The following NECTIN3 variants were observed in gnomAD, a reference collection of about 807,000 sequenced individuals.
NECTIN3 encodes the protein nectin-3.
In NECTIN3, 8 loss-of-function variants were observed where a neutral mutation model predicts 49.4. The observed-to-expected ratio is 0.16, with a 90% CI of 0.10 to 0.29. The LOEUF is 0.29. Among genes scored for constraint, NECTIN3 ranks in the 10% least tolerant of loss-of-function variants. The pLI is 1.00. For synonymous variants in NECTIN3, 277 were observed against 241.1 expected, an observed-to-expected ratio of 1.15 and a Z score of -1.38; for missense variants, 581 against 654.6, an observed-to-expected ratio of 0.89 and a Z score of 1.23.
At chr3:111,167,401 G>A (rs541402714) in intron 7 of NECTIN3, among the ~76,000 whole-genome samples, 40 of 152,206 alleles carry the variant, frequency 2.6e-4, no homozygotes, top group African/African-American at 9.6e-4. Flanking sequence ...TTCTAATATT[G>A]AGAGTTGTAA....
intron 7 of NECTIN3, among the ~76,000 whole-genome samples, chr3:111,177,858 T>C (rs2035559109): frequency 6.6e-6 from 1 of 152,208 alleles, no homozygotes. Flanking sequence ...TAAGAGCATC[T>C]TGGAATTATA....
rs149838175 is a variant in NECTIN3, at chr3:111,144,365, C to T, written c.1001-534C>T. 4.4e-3 allele frequency among the ~76,000 whole-genome samples: 667 copies of T among 151,728 alleles called. 4 individuals carry two copies. Among genetic ancestry groups the T allele is most frequent in the Non-Finnish European group, 5.2e-3 (350 of 67,830 alleles). On this transcript the variant is annotated intron_variant, in intron 5 of 8. Coordinates refer to the NECTIN3 transcript ENST00000493615. ...GAATTAAGGGAAATTTTGTGCAAGT[C>T]CTGTTTTAATATTAATATTTAAAAA...
intron 5 of NECTIN3, among the ~76,000 whole-genome samples, chr3:111,143,689 C>T (rs1364365750): frequency 1.3e-5 from 2 of 151,848 alleles, no homozygotes; most frequent in Non-Finnish European, 2.9e-5. Context: ...AAGATTATGT[C>T]AATTTAAGTA....
chr3:111,160,226 A>G (rs1393798874), intron 7 of NECTIN3, among the ~76,000 whole-genome samples: 1 of 152,172 alleles, frequency 6.6e-6, no homozygotes, highest in Non-Finnish European at 1.5e-5. Flanking sequence ...GTACGTATAT[A>G]TATTTCACAG....
intron 7 of NECTIN3, among the ~76,000 whole-genome samples, chr3:111,153,492 A>G (rs2035038965): frequency 6.6e-6 from 1 of 152,032 alleles, no homozygotes; most frequent in Non-Finnish European, 1.5e-5. Context: ...TGAGAAAAAG[A>G]TAAGCTTGTT....
chr3:111,111,980 G>C (rs751182965), intron 1 of NECTIN3, 50 bp from the exon 2 acceptor site: 1 of 1,314,792 alleles, frequency 7.6e-7, no homozygotes, highest in Non-Finnish European at 1.1e-6. Context: ...GGAGAGTGTT[G>C]ACCACTTTTT....
chr3:111,191,753 A>T (rs2035816771), upstream of NECTIN3, among the ~76,000 whole-genome samples: 1 of 152,142 alleles, frequency 6.6e-6, no homozygotes, highest in African/African-American at 2.4e-5. Context: ...AAGACAGAAG[A>T]CCTTCTGTGG....
intron 1 of NECTIN3, among the ~76,000 whole-genome samples, chr3:111,073,995 G>A (rs1439386982): frequency 6.6e-6 from 1 of 150,960 alleles, no homozygotes; most frequent in Non-Finnish European, 1.5e-5. Context: ...GTAGGCAAAT[G>A]GACTGTGTTT....
intron 7 of NECTIN3, among the ~76,000 whole-genome samples, chr3:111,185,340 GGATA>G (rs756662418): frequency 2.0e-5 from 3 of 152,042 alleles, no homozygotes; most frequent in Non-Finnish European, 2.9e-5. Context: ...GTGTGTGGAT[GGATA>G]TTTTGTGTAT....
At chr3:111,073,487 G>A (rs1409412418) in intron 1 of NECTIN3, 3 of 152,278 alleles carry the variant, frequency 2.0e-5, no homozygotes, top group African/African-American at 7.2e-5. Flanking sequence ...ACAGAGTATA[G>A]TATGGTAAAT....
chr3:111,125,353 A>C (rs1320144302), intron 4 of NECTIN3, among the ~76,000 whole-genome samples: 2 of 144,006 alleles, frequency 1.4e-5, no homozygotes, highest in South Asian at 4.1e-4. Context: ...AAAACCAAAA[A>C]CAAACAAACA....
intron 1 of NECTIN3, among the ~76,000 whole-genome samples, chr3:111,108,208 T>G (rs2033271139): frequency 6.9e-6 from 1 of 145,486 alleles, no homozygotes; most frequent in Non-Finnish European, 1.5e-5. Context: ...CACCTTAAAA[T>G]ATAGCCACTT....
intron 5 of NECTIN3, among the ~76,000 whole-genome samples, chr3:111,130,754 TA>T (rs2107488473): frequency 6.6e-6 from 1 of 152,204 alleles, no homozygotes; most frequent in African/African-American, 2.4e-5. Context: ...CCTCAGTTAT[TA>T]AATTGTACTC....
chr3:111,183,356 G>A (rs534795426), intron 7 of NECTIN3, among the ~76,000 whole-genome samples: 1 of 150,194 alleles, frequency 6.7e-6, no homozygotes, highest in African/African-American at 2.5e-5. Flanking sequence ...TTGTTGCCCA[G>A]GCTGGAGTGC....
intron 1 of NECTIN3, among the ~76,000 whole-genome samples, chr3:111,105,183 C>G (rs574222665): frequency 6.6e-6 from 1 of 150,614 alleles, no homozygotes; most frequent in Non-Finnish European, 1.5e-5. Context: ...TGCTCTGTCA[C>G]CCAGGCTGGA....
chr3:111,091,348 C>A (rs890132790), intron 1 of NECTIN3, among the ~76,000 whole-genome samples: 3 of 152,074 alleles, frequency 2.0e-5, no homozygotes, highest in Non-Finnish European at 4.4e-5. Flanking sequence ...CTCCGCCTCC[C>A]AGGTTCACGC....
At chr3:111,150,391 T>C (rs1216115476) in intron 7 of NECTIN3, among the ~76,000 whole-genome samples, 1 of 151,992 alleles carries the variant, frequency 6.6e-6, no homozygotes, top group East Asian at 1.9e-4. Flanking sequence ...AAAACCGTTT[T>C]ATGAACAGTA....
chr3:111,110,238 G>A (rs915226655), intron 1 of NECTIN3, among the ~76,000 whole-genome samples: 6 of 151,486 alleles, frequency 4.0e-5, no homozygotes, highest in Admixed American at 6.6e-5. Context: ...CAATGATAGT[G>A]CACCATCTTG....
At chr3:111,121,001 CTTTTTTTTTT>C (rs397954033) in intron 3 of NECTIN3, among the ~76,000 whole-genome samples, 1 of 129,558 alleles carries the variant, frequency 7.7e-6, no homozygotes, top group African/African-American at 2.8e-5. Flanking sequence ...TTATTTCTTT[CTTTTTTTTTT>C]TTTTTTTTTG....
Sources: gnomAD v4.1 joint callset for allele counts (sites outside exome capture counted in the v4.1 genomes callset) on GRCh38, gnomAD v4.1.1 for gene constraint, MANE v1.5 for transcripts, NCBI Gene and HGNC (gene_info 2026-07-23, HGNC 2026-07-21) for gene names.